The following PPP4R2 variants were observed in gnomAD, a reference collection of about 807,000 sequenced individuals.
PPP4R2 encodes serine/threonine-protein phosphatase 4 regulatory subunit 2.
Under a neutral mutation model 47.2 loss-of-function variants are expected in PPP4R2, and 13 were observed. The observed-to-expected ratio is 0.28, with a 90% confidence interval of 0.18 to 0.44. PPP4R2 has a LOEUF of 0.44. PPP4R2 is among the 20% of genes least tolerant of loss of function. The pLI is 1.00. For missense variants in PPP4R2, 421 were observed against 491.2 expected (o/e 0.86, Z 1.35); for synonymous variants, 151 against 163.3 (o/e 0.92, Z 0.57).
intron 2 of PPP4R2, among the ~76,000 whole-genome samples, chr3:73,038,500 A>G (rs986116544): frequency 2.0e-5 from 3 of 151,960 alleles, no homozygotes; most frequent in African/African-American, 4.8e-5. Context: ...GGTTCAAGCA[A>G]TTCTCCTGCC....
At position 73,066,542 on chromosome 3, in the gene PPP4R2, C is replaced by CT. The variant is rs1165310745; in HGVS notation, c.*823dup. 6.6e-6 allele frequency: 1 copy of CT among 151,944 alleles called. No individual in the cohort carries two copies. The highest frequency in any genetic ancestry group is 2.4e-5 in the African/African-American group (1 of 41,402). 9.4% of individuals were successfully genotyped at this position (151,944 alleles called of 1,614,324 possible). A position where few individuals can be genotyped will look rare whatever the true frequency, so the allele number is the denominator to read the frequency against. ...ACTTCATTATTTATGAGAAAATATGCTTTATCTTGGAAATTGTGTTCAAAT... is the reference window on the plus strand; with the variant it reads ...ACTTCATTATTTATGAGAAAATATGCTTTTATCTTGGAAATTGTGTTCAAAT... On this transcript the variant is annotated 3_prime_UTR_variant, in exon 9 of 9. Transcript: ENST00000356692.
chr3:73,062,866 A>T, intron 5 of PPP4R2: 2 of 1,613,808 alleles, frequency 1.2e-6, no homozygotes, highest in Non-Finnish European at 1.7e-6. Context: ...GGAGACTTTG[A>T]ATCCCCTCTA....
At chr3:73,023,521 T>A (rs1301252412) in intron 2 of PPP4R2, among the ~76,000 whole-genome samples, 1 of 152,132 alleles carries the variant, frequency 6.6e-6, no homozygotes, top group African/African-American at 2.4e-5. Context: ...TTTTTAAAAA[T>A]CACTGAATTT....
chr3:73,021,844 C>CTGTGTGTGTGTG (rs1172743928), intron 2 of PPP4R2, among the ~76,000 whole-genome samples: 1 of 137,308 alleles, frequency 7.3e-6, no homozygotes, highest in African/African-American at 2.9e-5. Context: ...TATTACATTT[C>CTGTGTGTGTGTG]TATATGTGTG....
intron 2 of PPP4R2, among the ~76,000 whole-genome samples, chr3:73,007,100 C>G (rs938260635): frequency 1.3e-5 from 2 of 152,190 alleles, no homozygotes; most frequent in African/African-American, 4.8e-5. Flanking sequence ...TTTAGGAAAA[C>G]TTTTACATCC....
At position 73,047,260 on chromosome 3, in the gene PPP4R2, C is replaced by T. The variant is rs777365239; in HGVS notation, c.191C>T (p.Ala64Val). Reference protein sequence around the residue: ...EKVMDDFRTSAPEPRGPPNPN... With the variant: ...EKVMDDFRTSVPEPRGPPNPN... ...GTGATGGATGATTTCAGAACTTCAG[C>T]TCCTGAGCCAAGAGGTCCTCCCAAC... Residue 64 changes from alanine (A) to valine (V), a missense_variant, in exon 3 of 9, where the codon GCT becomes GTT. By Grantham distance (64) the Ala-to-Val change is moderately conservative. Transcript: ENST00000356692. 4 of 1,606,410 alleles carry T rather than the reference C, an allele frequency of 2.5e-6. No individual in the cohort carries two copies. In the South Asian group the frequency reaches 3.3e-5, roughly 13 times the overall value.
rs529718446 is a variant in PPP4R2, at chr3:73,023,557, TAAA to T, written c.117-23625_117-23623del. On this transcript the variant is annotated intron_variant, in intron 2 of 8. Transcript: ENST00000356692. ...GGTATTGAGATGAGGCATAAGGTGT[TAAA>T]AAACACAGCTGCATATTTAAAATAT... Among the ~76,000 whole-genome samples the T allele has an allele frequency of 2.0e-3, 299 of 152,302 alleles. 2 individuals carry two copies. The highest frequency in any genetic ancestry group is 1.7e-3 in the Non-Finnish European group (119 of 68,018).
chr3:73,010,089 T>C (rs1000306728), intron 2 of PPP4R2, among the ~76,000 whole-genome samples: 5 of 152,258 alleles, frequency 3.3e-5, no homozygotes, highest in African/African-American at 1.2e-4. Flanking sequence ...GAATAATAGC[T>C]AATTCAAGTC....
intron 2 of PPP4R2, among the ~76,000 whole-genome samples, chr3:73,028,539 C>T (rs1306388724): frequency 6.6e-6 from 1 of 151,942 alleles, no homozygotes; most frequent in Non-Finnish European, 1.5e-5. Flanking sequence ...CTCCTGGTTT[C>T]AAGCAATTCC....
intron 5 of PPP4R2, chr3:73,061,902 A>G (rs2231923): frequency 0.44 from 241,867 of 555,826 alleles, 54,535 homozygotes; most frequent in South Asian, 0.57. Context: ...GAATATAGTT[A>G]TGTTGCTAAA....
intron 2 of PPP4R2, among the ~76,000 whole-genome samples, chr3:73,023,598 A>G (rs920968930): frequency 6.6e-6 from 1 of 152,264 alleles, no homozygotes; most frequent in Admixed American, 6.5e-5. Flanking sequence ...TTTTTATTAC[A>G]AAAGTAGGAA....
chr3:73,004,917 G>GTGTT (rs1553644727), intron 2 of PPP4R2, among the ~76,000 whole-genome samples: 1 of 86,674 alleles, frequency 1.2e-5, no homozygotes, highest in Non-Finnish European at 2.4e-5. Context: ...AGTCATGTGT[G>GTGTT]TGTGTTTGTG....
In PPP4R2 at chr3:72,997,087, C is replaced by T. The variant is rs1343032101; in HGVS notation, c.34+16C>T. On this transcript the variant is annotated intron_variant, in intron 1 of 8. Coordinates refer to ENST00000356692, the MANE Select transcript of PPP4R2 (RefSeq NM_174907.4). ...GCGCTGAAAGGTGGGGGTAGCTGCC[C>T]CCTCTCCATTCCCCCTCACCTTCTC... 1.4e-5 allele frequency: 19 copies of T among 1,380,288 alleles called. No homozygotes were observed. The highest frequency in any genetic ancestry group is 1.0e-4 in the African/African-American group (7 of 67,332). 85.5% of individuals were successfully genotyped at this position (1,380,288 alleles called of 1,614,324 possible).
At chr3:73,008,517 G>A (rs1238649119) in intron 2 of PPP4R2, among the ~76,000 whole-genome samples, 1 of 151,990 alleles carries the variant, frequency 6.6e-6, no homozygotes, top group Non-Finnish European at 1.5e-5. Context: ...TTTCCTAATT[G>A]CATGTGAGTT....
intron 2 of PPP4R2, among the ~76,000 whole-genome samples, chr3:73,000,595 C>T (rs1475452193): frequency 6.6e-6 from 1 of 152,078 alleles, no homozygotes; most frequent in African/African-American, 2.4e-5. Flanking sequence ...AACATTTTTA[C>T]TTCTTAGTCT....
chr3:73,012,743 T>G (rs1701750189), intron 2 of PPP4R2, among the ~76,000 whole-genome samples: 1 of 152,216 alleles, frequency 6.6e-6, no homozygotes, highest in Non-Finnish European at 1.5e-5. Context: ...TTAGGGATAC[T>G]GTTGTCTATG....
At position 73,064,280 on chromosome 3, in the gene PPP4R2, G is replaced by A. The variant is rs148178775; in HGVS notation, c.638+134G>A. The A allele has an allele frequency of 2.1e-5, 15 of 709,486 alleles. No individual in the cohort carries two copies. The East Asian group carries it at 4.0e-4, about 19-fold the overall frequency. The allele number at this position is 709,486 out of a possible 1,614,324, so 43.9% of individuals were successfully genotyped here. A position where few individuals can be genotyped will look rare whatever the true frequency, so the allele number is the denominator to read the frequency against. Reference sequence around the variant, plus strand: ...TTTCATGCGGTTTATAGGAGCACTGGCTTCTCTTTGCAGCTGTAGCAAATG... The same window carrying A: ...TTTCATGCGGTTTATAGGAGCACTGACTTCTCTTTGCAGCTGTAGCAAATG... On this transcript the variant is annotated intron_variant, in intron 7 of 8. Transcript: ENST00000356692.
chr3:73,030,651 G>T (rs1305272261), intron 2 of PPP4R2, among the ~76,000 whole-genome samples: 2 of 150,326 alleles, frequency 1.3e-5, no homozygotes, highest in East Asian at 1.9e-4. Flanking sequence ...CCAGAGAAGG[G>T]CTAGAGAACC....
intron 2 of PPP4R2, among the ~76,000 whole-genome samples, chr3:73,037,670 C>G (rs919248754): frequency 6.6e-6 from 1 of 152,152 alleles, no homozygotes; most frequent in Non-Finnish European, 1.5e-5. Flanking sequence ...ATATTAAACA[C>G]CTGCTTCTTG....
Sources: allele counts gnomAD v4.1 joint callset (sites outside exome capture counted in the v4.1 genomes callset), GRCh38; gene constraint gnomAD v4.1.1; transcripts MANE v1.5; gene names NCBI Gene and HGNC (gene_info 2026-07-23, HGNC 2026-07-21).